The following KCND2 variants were observed in gnomAD, a reference collection of about 807,000 sequenced individuals.
KCND2 encodes A-type voltage-gated potassium channel KCND2.
Under a neutral mutation model 54.4 loss-of-function variants are expected in KCND2, and 16 were observed. The ratio of observed to expected loss-of-function variants is 0.29; its 90% CI spans 0.20 to 0.45. The LOEUF (loss-of-function observed/expected upper bound fraction) is 0.45, where lower values mean the gene tolerates loss of function less well. KCND2 is among the 20% of genes least tolerant of loss of function. The pLI is 1.00. For synonymous variants in KCND2, 317 were observed against 310.7 expected (o/e 1.02, Z -0.21); for missense variants, 486 against 824.2 (o/e 0.59, Z 5.02).
intron 1 of KCND2, among the ~76,000 whole-genome samples, chr7:120,729,694 T>G (rs1345576215): frequency 1.3e-5 from 2 of 152,234 alleles, no homozygotes; most frequent in African/African-American, 2.4e-5. Context: ...ATGAACACTT[T>G]GTGCCCCCTT....
intron 1 of KCND2, among the ~76,000 whole-genome samples, chr7:120,589,724 C>A (rs1035075739): frequency 1.3e-5 from 2 of 152,132 alleles, no homozygotes; most frequent in Admixed American, 1.3e-4. Context: ...CAGAAATCTT[C>A]TTTCTATATG....
At chr7:120,532,100 A>G (rs934951370) in intron 1 of KCND2, among the ~76,000 whole-genome samples, 23 of 152,120 alleles carry the variant, frequency 1.5e-4, no homozygotes, top group Non-Finnish European at 3.2e-4. Flanking sequence ...TAAAAATCAG[A>G]AGCAAAAATG....
At chr7:120,456,979 C>A (rs1802209267) in intron 1 of KCND2, among the ~76,000 whole-genome samples, 1 of 152,216 alleles carries the variant, frequency 6.6e-6, no homozygotes, top group Admixed American at 6.5e-5. Flanking sequence ...CAATTCTTGA[C>A]CCAGGTGCAC....
chr7:120,598,027 C>G (rs867256968), intron 1 of KCND2, among the ~76,000 whole-genome samples: 44 of 151,518 alleles, frequency 2.9e-4, no homozygotes, highest in African/African-American at 9.9e-4. Flanking sequence ...TTTAGCCTCC[C>G]CTGAAAAATG....
intron 1 of KCND2, among the ~76,000 whole-genome samples, chr7:120,595,809 G>A (rs946795750): frequency 6.6e-6 from 1 of 151,494 alleles, no homozygotes; most frequent in Non-Finnish European, 1.5e-5. Context: ...TCCTCAAAAG[G>A]TGAAACTTTC....
At chr7:120,465,925 G>C (rs940542810) in intron 1 of KCND2, among the ~76,000 whole-genome samples, 1 of 152,142 alleles carries the variant, frequency 6.6e-6, no homozygotes, top group Non-Finnish European at 1.5e-5. Flanking sequence ...TTGACCTGGA[G>C]GGAAATGAGT....
Position 120,493,072 on chromosome 7 carries a change from G to C in KCND2, c.1115+217325G>C, listed in dbSNP as rs74984636. On this transcript the variant is annotated intron_variant, in intron 1 of 5. Transcript: ENST00000331113. ...CTCCACCTCTGAATACCATCACCTTGGGTGACACTAATGCCTTGGGGGCTT... is the reference window on the plus strand; with the variant it reads ...CTCCACCTCTGAATACCATCACCTTCGGTGACACTAATGCCTTGGGGGCTT... Among the ~76,000 whole-genome samples the C allele has an allele frequency of 9.3e-3, 1,419 of 151,952 alleles. 14 individuals carry two copies. The highest frequency in any genetic ancestry group is 0.031 in the African/African-American group (1,297 of 41,490).
chr7:120,427,969 G>T (rs897319290), intron 1 of KCND2, among the ~76,000 whole-genome samples: 5 of 152,012 alleles, frequency 3.3e-5, no homozygotes, highest in Admixed American at 2.6e-4. Flanking sequence ...AGTAAATCTG[G>T]CAAACTCTAG....
At chr7:120,443,345 CAATAATA>C (rs1801969404) in intron 1 of KCND2, among the ~76,000 whole-genome samples, 1 of 135,666 alleles carries the variant, frequency 7.4e-6, no homozygotes, top group South Asian at 2.2e-4. Flanking sequence ...CAAGAAATAA[CAATAATA>C]AATAATAATA....
At chr7:120,708,648 G>T (rs1411682520) in intron 1 of KCND2, among the ~76,000 whole-genome samples, 1 of 151,982 alleles carries the variant, frequency 6.6e-6, no homozygotes, top group East Asian at 1.9e-4. Flanking sequence ...TGTGAGACAG[G>T]CATTTGTATT....
intron 1 of KCND2, among the ~76,000 whole-genome samples, chr7:120,520,727 ACAG>A (rs1791680536): frequency 6.6e-6 from 1 of 152,000 alleles, no homozygotes; most frequent in Non-Finnish European, 1.5e-5. Context: ...TGAAATAGAG[ACAG>A]ACAGACGAGA....
At chr7:120,647,347 C>G (rs548286424) in intron 1 of KCND2, among the ~76,000 whole-genome samples, 2 of 152,296 alleles carry the variant, frequency 1.3e-5, no homozygotes, top group Admixed American at 6.5e-5. Flanking sequence ...ATGGAACTTT[C>G]AAACACCTAC....
At chr7:120,305,488 T>C (rs1157394515) in intron 1 of KCND2, among the ~76,000 whole-genome samples, 1 of 152,158 alleles carries the variant, frequency 6.6e-6, no homozygotes, top group East Asian at 1.9e-4. Context: ...GAAGCAATGA[T>C]AAAGCCTTAC....
At chr7:120,731,360 T>C (rs1277140126) in intron 1 of KCND2, among the ~76,000 whole-genome samples, 1 of 152,180 alleles carries the variant, frequency 6.6e-6, no homozygotes, top group Non-Finnish European at 1.5e-5. Flanking sequence ...AGAATAAGAC[T>C]ACTGTGAATT....
chr7:120,560,788 A>G (rs1297966712), intron 1 of KCND2, among the ~76,000 whole-genome samples: 1 of 152,188 alleles, frequency 6.6e-6, no homozygotes, highest in East Asian at 1.9e-4. Context: ...TTAAGCACTG[A>G]GTAATTGCTC....
intron 1 of KCND2, among the ~76,000 whole-genome samples, chr7:120,325,751 T>C (rs1232007365): frequency 1.3e-5 from 2 of 152,102 alleles, no homozygotes; most frequent in Non-Finnish European, 2.9e-5. Context: ...ATTTTAAAAA[T>C]AGAACCAGCC....
chr7:120,666,914 A>C (rs1791934372), intron 1 of KCND2, among the ~76,000 whole-genome samples: 1 of 152,148 alleles, frequency 6.6e-6, no homozygotes, highest in African/African-American at 2.4e-5. Flanking sequence ...AATTTATTCA[A>C]TATATCTCAG....
intron 1 of KCND2, among the ~76,000 whole-genome samples, chr7:120,317,845 A>T (rs1799835580): frequency 6.6e-6 from 1 of 152,220 alleles, no homozygotes; most frequent in Non-Finnish European, 1.5e-5. Context: ...CAATGATTTC[A>T]AATCAATCAG....
intron 1 of KCND2, among the ~76,000 whole-genome samples, chr7:120,602,591 G>A (rs904114065): frequency 1.3e-5 from 2 of 152,128 alleles, no homozygotes; most frequent in African/African-American, 4.8e-5. Context: ...AGTATTTGGA[G>A]TTTTTCCTTA....
Sources: gnomAD v4.1 joint callset for allele counts (sites outside exome capture counted in the v4.1 genomes callset) on GRCh38, gnomAD v4.1.1 for gene constraint, MANE v1.5 for transcripts, NCBI Gene and HGNC (gene_info 2026-07-23, HGNC 2026-07-21) for gene names.